Variants in NUDT3 observed in about 807,000 individuals in gnomAD.
The protein encoded by NUDT3 is nudix hydrolase 3.
Under a neutral mutation model 23.6 loss-of-function variants are expected in NUDT3, and 9 were observed. That is an observed-to-expected ratio of 0.38 (90% CI 0.23 to 0.66). NUDT3 has a LOEUF of 0.66. Among genes scored for constraint, NUDT3 ranks in the 30% least tolerant of loss-of-function variants. NUDT3 has a pLI of 0.52. For synonymous variants in NUDT3, 86 were observed against 82.6 expected (o/e 1.04, Z -0.22); for missense variants, 172 against 218.5 (o/e 0.79, Z 1.34).
intron 1 of NUDT3, among the ~76,000 whole-genome samples, chr6:34,351,759 A>AG (rs751963543): frequency 1.4e-5 from 2 of 139,236 alleles, no homozygotes; most frequent in Admixed American, 7.0e-5. Context: ...AAAAAAAAAA[A>AG]AAAGAAATAG....
chr6:34,316,871 T>G (rs983637063), intron 2 of NUDT3, among the ~76,000 whole-genome samples: 1 of 152,192 alleles, frequency 6.6e-6, no homozygotes, highest in Non-Finnish European at 1.5e-5. Context: ...TGACATGATC[T>G]GATCTGGTTT....
chr6:34,353,040 AC>A (rs1156875052), intron 1 of NUDT3, among the ~76,000 whole-genome samples: 3 of 152,238 alleles, frequency 2.0e-5, no homozygotes, highest in Admixed American at 2.0e-4. Flanking sequence ...GTATAAAAAA[AC>A]ATAATGAAAA....
chr6:34,309,228 AAAAG>A (rs1302085436), intron 2 of NUDT3, among the ~76,000 whole-genome samples: 2 of 152,186 alleles, frequency 1.3e-5, no homozygotes, highest in Non-Finnish European at 2.9e-5. Flanking sequence ...AAAAAGAAAA[AAAAG>A]AAAGAAGTCA....
chr6:34,379,961 C>T (rs62399910), intron 1 of NUDT3, among the ~76,000 whole-genome samples: 7,161 of 150,902 alleles, frequency 0.047, 272 homozygotes, highest in African/African-American at 0.1. Context: ...AAGCTGAGAT[C>T]GAGCCATTAC....
intron 2 of NUDT3, among the ~76,000 whole-genome samples, chr6:34,305,264 G>A (rs1763663318): frequency 6.6e-6 from 1 of 152,166 alleles, no homozygotes; most frequent in Non-Finnish European, 1.5e-5. Flanking sequence ...TTATAGGCGT[G>A]TGAGCCACCA....
At chr6:34,291,887 T>C (rs937271417) in intron 4 of NUDT3, among the ~76,000 whole-genome samples, 1 of 152,216 alleles carries the variant, frequency 6.6e-6, no homozygotes, top group African/African-American at 2.4e-5. Context: ...TTGTCATTCA[T>C]TGAGTTATAC....
At chr6:34,377,697 G>C (rs1459395222) in intron 1 of NUDT3, among the ~76,000 whole-genome samples, 1 of 151,986 alleles carries the variant, frequency 6.6e-6, no homozygotes, top group Non-Finnish European at 1.5e-5. Context: ...GCCAGGTGTG[G>C]TGGCACACAC....
At chr6:34,352,752 T>G (rs191664479) in intron 1 of NUDT3, among the ~76,000 whole-genome samples, 1 of 152,300 alleles carries the variant, frequency 6.6e-6, no homozygotes, top group East Asian at 1.9e-4. Flanking sequence ...AAACCACAAA[T>G]GTACACTGTC....
chr6:34,381,306 T>C (rs757113826), intron 1 of NUDT3, among the ~76,000 whole-genome samples: 10 of 152,180 alleles, frequency 6.6e-5, no homozygotes, highest in Non-Finnish European at 1.3e-4. Flanking sequence ...TGTGAGTCAC[T>C]GCACCCGGCC....
Position 34,284,072 on chromosome 6 carries a change from T to C in NUDT3, c.*4681A>G, listed in dbSNP as rs1344797133. 3 of 152,192 alleles carry C rather than the reference T, an allele frequency of 2.0e-5. No individual in the cohort carries two copies. The highest frequency in any genetic ancestry group is 6.5e-5 in the Admixed American group (1 of 15,278). The allele number at this position is 152,192 out of a possible 1,614,324, so 9.4% of individuals were successfully genotyped here. On this transcript the variant is annotated 3_prime_UTR_variant, in exon 5 of 5. Coordinates refer to ENST00000607016, the MANE Select transcript of NUDT3 (RefSeq NM_006703.4). ...GGAAGCCTCTGTAGCCTTGAGGAGA[T>C]AGGCTCTATCCAACAGGACTCAGAA...
Position 34,392,367 on chromosome 6 carries a change from C to G in NUDT3, c.-5G>C. The G allele has an allele frequency of 6.3e-7, 1 of 1,598,512 alleles. No homozygotes were observed. On this transcript the variant is annotated 5_prime_UTR_variant, in exon 1 of 5. Transcript: ENST00000607016. ...GTTCGACTTGAGCTTCATCATCCTCCGGGCCCGGGTGGGGGTGCGGTGCGG... is the reference window on the plus strand; with the variant it reads ...GTTCGACTTGAGCTTCATCATCCTCGGGGCCCGGGTGGGGGTGCGGTGCGG...
intron 1 of NUDT3, among the ~76,000 whole-genome samples, chr6:34,365,459 T>C (rs1436827480): frequency 5.9e-5 from 9 of 152,080 alleles, no homozygotes; most frequent in African/African-American, 1.9e-4. Flanking sequence ...ATAAATAAAG[T>C]CCTGGGATAT....
At position 34,282,177 on chromosome 6, in the gene NUDT3, G is replaced by C. The variant is rs1289263412; in HGVS notation, c.*6576C>G. On this transcript the variant is annotated 3_prime_UTR_variant, in exon 5 of 5. Transcript: ENST00000607016. ...AGTGACACATTTTCTCCACAACAAA[G>C]GGAGGTTAAAGACAAAGGTTTAACC... 1 of 152,166 alleles carries C rather than the reference G, an allele frequency of 6.6e-6. No individual in the cohort carries two copies. Among genetic ancestry groups the C allele is most frequent in the Non-Finnish European group, 1.5e-5 (1 of 68,038 alleles). 9.4% of individuals were successfully genotyped at this position (152,166 alleles called of 1,614,324 possible).
intron 2 of NUDT3, among the ~76,000 whole-genome samples, chr6:34,328,414 C>G (rs1479751479): frequency 6.6e-6 from 1 of 152,178 alleles, no homozygotes; most frequent in Non-Finnish European, 1.5e-5. Flanking sequence ...GCGCCCACTC[C>G]ACTATAGCTT....
chr6:34,306,940 A>T (rs1195630819), intron 2 of NUDT3, among the ~76,000 whole-genome samples: 1 of 152,222 alleles, frequency 6.6e-6, no homozygotes, highest in Non-Finnish European at 1.5e-5. Flanking sequence ...TTCTTTTTTA[A>T]ACGCTACTAG....
At chr6:34,357,631 A>C (rs566150469) in intron 1 of NUDT3, among the ~76,000 whole-genome samples, 6 of 152,070 alleles carry the variant, frequency 3.9e-5, no homozygotes, top group African/African-American at 9.7e-5. Flanking sequence ...CCCTGCAAAA[A>C]AAAAAAAAAA....
intron 2 of NUDT3, among the ~76,000 whole-genome samples, chr6:34,302,470 T>C (rs536018468): frequency 6.6e-6 from 1 of 152,298 alleles, no homozygotes; most frequent in South Asian, 2.1e-4. Context: ...CGGTGGCTCA[T>C]GCCTGTAATC....
intron 1 of NUDT3, among the ~76,000 whole-genome samples, chr6:34,391,603 T>A (rs1394776257): frequency 6.6e-6 from 1 of 152,114 alleles, no homozygotes; most frequent in Non-Finnish European, 1.5e-5. Flanking sequence ...TCTTCCCAAT[T>A]AACATGAAAC....
At chr6:34,311,440 A>G (rs1293812487) in intron 2 of NUDT3, among the ~76,000 whole-genome samples, 3 of 152,250 alleles carry the variant, frequency 2.0e-5, no homozygotes, top group African/African-American at 7.2e-5. Context: ...GAAAAACTAA[A>G]TAAATGGCAA....
Sources: allele counts gnomAD v4.1 joint callset (sites outside exome capture counted in the v4.1 genomes callset), GRCh38; gene constraint gnomAD v4.1.1; transcripts MANE v1.5; gene names NCBI Gene and HGNC (gene_info 2026-07-23, HGNC 2026-07-21).